Variants in NRG1 observed in about 807,000 individuals in gnomAD.
NRG1 encodes the protein pro-neuregulin-1, membrane-bound isoform.
A neutral mutation model predicts 63.8 loss-of-function variants in NRG1; 18 were observed. The observed-to-expected ratio is 0.28, with a 90% CI of 0.19 to 0.42. The LOEUF (loss-of-function observed/expected upper bound fraction) is 0.42, where lower values mean the gene tolerates loss of function less well. NRG1 is among the 10% of genes least tolerant of loss of function. NRG1 has a pLI of 1.00. For synonymous variants in NRG1, 302 were observed against 301.3 expected (o/e 1.00, Z -0.02); for missense variants, 762 against 814.7 (o/e 0.94, Z 0.79).
chr8:32,621,903 C>G (rs937847058), intron 5 of NRG1, among the ~76,000 whole-genome samples: 1 of 152,186 alleles, frequency 6.6e-6, no homozygotes, highest in East Asian at 1.9e-4. Flanking sequence ...AAAGCCCTTA[C>G]TATTGAAAGA....
intron 1 of NRG1, among the ~76,000 whole-genome samples, chr8:32,382,469 A>C (rs1810475705): frequency 1.3e-5 from 2 of 152,172 alleles, no homozygotes; most frequent in South Asian, 4.1e-4. Context: ...AAATTCTCTA[A>C]CTGGGATATC....
chr8:32,704,185 TC>T (rs1352906266), intron 5 of NRG1, among the ~76,000 whole-genome samples: 1 of 152,178 alleles, frequency 6.6e-6, no homozygotes, highest in Non-Finnish European at 1.5e-5. Context: ...ATCTCCCATC[TC>T]CCAATGTCCT....
chr8:32,732,125 CTG>C (rs776064381), intron 6 of NRG1, among the ~76,000 whole-genome samples: 1 of 152,196 alleles, frequency 6.6e-6, no homozygotes, highest in Non-Finnish European at 1.5e-5. Flanking sequence ...CTCCTGGGGA[CTG>C]TGTGGGAATT....
intron 5 of NRG1, among the ~76,000 whole-genome samples, chr8:32,634,383 C>T (rs1850928443): frequency 6.6e-6 from 1 of 152,186 alleles, no homozygotes; most frequent in South Asian, 2.1e-4. Flanking sequence ...CTTCTTCCTT[C>T]ATCTTGTTGA....
At chr8:32,594,803 A>C (rs1843080152) in intron 1 of NRG1, among the ~76,000 whole-genome samples, 1 of 152,132 alleles carries the variant, frequency 6.6e-6, no homozygotes, top group Non-Finnish European at 1.5e-5. Flanking sequence ...TCAAAGAGAG[A>C]ATTTGTTGTG....
chr8:31,711,797 T>C (rs1811778498), intron 1 of NRG1, among the ~76,000 whole-genome samples: 1 of 152,206 alleles, frequency 6.6e-6, no homozygotes, highest in Non-Finnish European at 1.5e-5. Context: ...TGGTGAGGGC[T>C]GCTTCCTGGT....
Position 32,756,482 on chromosome 8 carries a change from GGGCC to G in NRG1, c.875_878del (p.Gly292ValfsTer14). On this transcript the variant is annotated frameshift_variant, in exon 9 of 12. Coordinates refer to ENST00000356819, the Ensembl canonical transcript of NRG1. LOFTEE classifies it high-confidence loss of function. The stretch of plus-strand genomic sequence containing the variant: ...AAACAATATGATGAACATTGCCAAT[GGGCC>G]TCACCATCCTAACCCACCCCCCGAG... The G allele has an allele frequency of 6.2e-7, 1 of 1,613,590 alleles. No individual in the cohort carries two copies. Among genetic ancestry groups the G allele is most frequent in the African/African-American group, 1.3e-5 (1 of 74,982 alleles).
intron 1 of NRG1, among the ~76,000 whole-genome samples, chr8:31,840,349 CTTTTTT>C (rs71992716): frequency 6.8e-5 from 8 of 116,858 alleles, no homozygotes; most frequent in East Asian, 6.3e-4. Context: ...TATTCTCTGT[CTTTTTT>C]TTTTTTTTTT....
chr8:31,659,515 C>T (rs925797585), intron 1 of NRG1, among the ~76,000 whole-genome samples: 1 of 152,070 alleles, frequency 6.6e-6, no homozygotes, highest in Admixed American at 6.5e-5. Flanking sequence ...TTCTGAACCT[C>T]ATGCTGAACC....
chr8:32,237,565 G>T (rs2129469449), intron 1 of NRG1, among the ~76,000 whole-genome samples: 1 of 152,080 alleles, frequency 6.6e-6, no homozygotes, highest in Middle Eastern at 3.4e-3. Flanking sequence ...AGGCAGTTTT[G>T]AATAGAAGGT....
intron 1 of NRG1, among the ~76,000 whole-genome samples, chr8:32,278,179 G>T (rs911778532): frequency 6.6e-6 from 1 of 152,118 alleles, no homozygotes; most frequent in Non-Finnish European, 1.5e-5. Context: ...ATGAATTAAT[G>T]ATCTTTCCTC....
chr8:32,387,589 C>A (rs551758223), intron 1 of NRG1, among the ~76,000 whole-genome samples: 64 of 152,228 alleles, frequency 4.2e-4, no homozygotes, highest in African/African-American at 1.5e-3. Context: ...AAACACCTCC[C>A]AGATTAAGTA....
intron 1 of NRG1, among the ~76,000 whole-genome samples, chr8:32,304,737 A>G (rs1290407276): frequency 1.3e-5 from 2 of 152,142 alleles, no homozygotes; most frequent in South Asian, 2.1e-4. Flanking sequence ...AATATTGGCC[A>G]GGTGTGGTTG....
intron 1 of NRG1, among the ~76,000 whole-genome samples, chr8:31,662,395 A>G (rs1236963140): frequency 6.6e-6 from 1 of 152,260 alleles, no homozygotes; most frequent in African/African-American, 2.4e-5. Flanking sequence ...AGGACTGTGA[A>G]AAAGCTGTTA....
intron 1 of NRG1, among the ~76,000 whole-genome samples, chr8:31,758,292 G>T (rs1000171148): frequency 3.3e-5 from 5 of 152,038 alleles, no homozygotes; most frequent in Admixed American, 3.3e-4. Flanking sequence ...TCCCACTTAT[G>T]AGTGAGAATG....
intron 1 of NRG1, among the ~76,000 whole-genome samples, chr8:31,687,010 C>T (rs779082969): frequency 2.0e-5 from 3 of 152,168 alleles, no homozygotes; most frequent in Non-Finnish European, 4.4e-5. Context: ...CTCAAAGGAT[C>T]TGCCAGCCTC....
At chr8:32,565,995 A>T (rs531804919) in intron 1 of NRG1, among the ~76,000 whole-genome samples, 1 of 152,202 alleles carries the variant, frequency 6.6e-6, no homozygotes, top group South Asian at 2.1e-4. Context: ...CAGCCTGTGC[A>T]CACCTAGGCA....
intron 1 of NRG1, among the ~76,000 whole-genome samples, chr8:32,279,572 C>T (rs1169169642): frequency 2.6e-5 from 4 of 152,242 alleles, no homozygotes; most frequent in East Asian, 1.9e-4. Context: ...AGAATGGTCT[C>T]GATCTCCTGA....
chr8:32,297,384 T>A (rs1346897788), intron 1 of NRG1, among the ~76,000 whole-genome samples: 1 of 151,868 alleles, frequency 6.6e-6, no homozygotes, highest in Non-Finnish European at 1.5e-5. Flanking sequence ...AGTAGGTTTA[T>A]CAATGCAGTT....
Sources: gnomAD v4.1 joint callset for allele counts (sites outside exome capture counted in the v4.1 genomes callset) on GRCh38, gnomAD v4.1.1 for gene constraint, MANE v1.5 for transcripts, NCBI Gene and HGNC (gene_info 2026-07-23, HGNC 2026-07-21) for gene names.